The following PLCL1 variants were observed in gnomAD, a reference collection of about 807,000 sequenced individuals.
PLCL1 encodes the protein phospholipase C like 1 (inactive).
PLCL1 carries 41 observed loss-of-function variants against 84.4 expected under a neutral mutation model. That is an observed-to-expected ratio of 0.49 (90% CI 0.38 to 0.63). The LOEUF is 0.63. Among genes scored for constraint, PLCL1 ranks in the 30% least tolerant of loss-of-function variants. PLCL1 has a pLI of 0.00. For synonymous variants in PLCL1, 490 were observed against 488.3 expected (o/e 1.00, Z -0.05); for missense variants, 1,206 against 1,367.8 (o/e 0.88, Z 1.87).
At chr2:197,823,196 T>A (rs1690852090) in intron 1 of PLCL1, among the ~76,000 whole-genome samples, 1 of 152,152 alleles carries the variant, frequency 6.6e-6, no homozygotes, top group African/African-American at 2.4e-5. Flanking sequence ...AGCTTAAAGA[T>A]AATTTTCTTA....
intron 1 of PLCL1, among the ~76,000 whole-genome samples, chr2:197,851,369 G>A (rs979223409): frequency 1.3e-5 from 2 of 152,194 alleles, no homozygotes; most frequent in Non-Finnish European, 2.9e-5. Flanking sequence ...TAATTACGTA[G>A]CTTATCAAGT....
At chr2:198,028,031 G>T (rs1691314883) in intron 1 of PLCL1, among the ~76,000 whole-genome samples, 1 of 151,944 alleles carries the variant, frequency 6.6e-6, no homozygotes, top group African/African-American at 2.4e-5. Context: ...TGTAGAGATG[G>T]GGTCTTGCCA....
At chr2:198,017,731 A>G (rs1044674597) in intron 1 of PLCL1, among the ~76,000 whole-genome samples, 4 of 152,244 alleles carry the variant, frequency 2.6e-5, no homozygotes, top group African/African-American at 4.8e-5. Context: ...ATAGTTATCC[A>G]AAATGTTAAA....
chr2:197,999,954 G>A (rs1308825671), intron 1 of PLCL1, among the ~76,000 whole-genome samples: 1 of 152,140 alleles, frequency 6.6e-6, no homozygotes, highest in Non-Finnish European at 1.5e-5. Flanking sequence ...ACCTGTATCA[G>A]TTATCAATTA....
chr2:197,958,021 C>G (rs1396821030), intron 1 of PLCL1, among the ~76,000 whole-genome samples: 1 of 151,978 alleles, frequency 6.6e-6, no homozygotes, highest in East Asian at 1.9e-4. Flanking sequence ...ATCAAAAAGA[C>G]CATCATATTT....
At chr2:198,014,479 A>G (rs916593045) in intron 1 of PLCL1, among the ~76,000 whole-genome samples, 1 of 151,884 alleles carries the variant, frequency 6.6e-6, no homozygotes, top group African/African-American at 2.4e-5. Context: ...TAAATGTACT[A>G]CTCTGTGTAT....
At chr2:197,881,511 G>C (rs1687827610) in intron 1 of PLCL1, among the ~76,000 whole-genome samples, 1 of 151,966 alleles carries the variant, frequency 6.6e-6, no homozygotes, top group Non-Finnish European at 1.5e-5. Context: ...CTGGAAGAAG[G>C]AACAGTGCTC....
chr2:197,890,025 G>A (rs1687986028), intron 1 of PLCL1, among the ~76,000 whole-genome samples: 1 of 152,176 alleles, frequency 6.6e-6, no homozygotes, highest in African/African-American at 2.4e-5. Flanking sequence ...TGCATACGCA[G>A]CTTTGGTATC....
intron 5 of PLCL1, among the ~76,000 whole-genome samples, chr2:198,143,398 T>G (rs1368218564): frequency 6.6e-6 from 1 of 152,278 alleles, no homozygotes; most frequent in South Asian, 2.1e-4. Context: ...TTCTCACAGG[T>G]CACAGGGACT....
At chr2:197,952,979 G>A (rs1055351272) in intron 1 of PLCL1, among the ~76,000 whole-genome samples, 4 of 152,002 alleles carry the variant, frequency 2.6e-5, no homozygotes, top group South Asian at 2.1e-4. Flanking sequence ...GCATGAAAAC[G>A]GACTAATACC....
intron 1 of PLCL1, among the ~76,000 whole-genome samples, chr2:198,038,580 A>G (rs902234251): frequency 6.6e-6 from 1 of 152,138 alleles, no homozygotes; most frequent in Non-Finnish European, 1.5e-5. Context: ...ATGGCAGCCT[A>G]TAATTCAAGG....
chr2:198,017,454 A>T lies in PLCL1; in HGVS notation c.241-66304A>T, dbSNP rs559978284. 5.3e-5 allele frequency among the ~76,000 whole-genome samples: 8 copies of T among 152,368 alleles called. No individual in the cohort carries two copies. In the East Asian group the frequency reaches 1.2e-3, roughly 22 times the overall value. ...ATGCAGCTGCCTACCATAAAAGAGG[A>T]ATCTAGGAAAGATTTTCCATATAGC... is the stretch of plus-strand genomic sequence containing the variant. On this transcript the variant is annotated intron_variant, in intron 1 of 5. Transcript: ENST00000428675.
chr2:197,928,814 T>A (rs531363407), intron 1 of PLCL1, among the ~76,000 whole-genome samples: 8 of 152,250 alleles, frequency 5.3e-5, no homozygotes, highest in African/African-American at 1.9e-4. Flanking sequence ...CAATAGTAAA[T>A]GAAGCAACAG....
rs1694557766 is a variant in PLCL1 at position 198,147,629 on chromosome 2, A to C, written c.*667A>C. On this transcript the variant is annotated 3_prime_UTR_variant, in exon 6 of 6. Coordinates refer to ENST00000428675, the MANE Select transcript of PLCL1 (RefSeq NM_006226.4). Reference sequence around the variant, plus strand: ...ACTTTAAAAAATATTTATTAAATAAAATCAATTTTTAGGAAGTTTTCTGTA... The same window carrying C: ...ACTTTAAAAAATATTTATTAAATAACATCAATTTTTAGGAAGTTTTCTGTA... The C allele has an allele frequency of 2.0e-5, 3 of 152,216 alleles. No homozygotes were observed. The highest frequency in any genetic ancestry group is 7.2e-5 in the African/African-American group (3 of 41,464). The allele number at this position is 152,216 out of a possible 1,614,324, so 9.4% of individuals were successfully genotyped here.
rs184392234 is a variant in PLCL1 at position 198,144,038 on chromosome 2, A to G, written c.3106-2742A>G. On this transcript the variant is annotated intron_variant, in intron 5 of 5. Transcript: ENST00000428675. ...TTGTTTTCTACAGAGACTGACTTCTATTTACCAGAAATGGCACAGTCTGGC... is the reference window on the plus strand; with the variant it reads ...TTGTTTTCTACAGAGACTGACTTCTGTTTACCAGAAATGGCACAGTCTGGC... Among the ~76,000 whole-genome samples the G allele has an allele frequency of 2.1e-4, 32 of 152,172 alleles. No individual in the cohort carries two copies. The East Asian group carries it at 2.7e-3, about 13-fold the overall frequency.
chr2:198,063,155 TA>T (rs1306460253), intron 1 of PLCL1, among the ~76,000 whole-genome samples: 3,311 of 152,288 alleles, frequency 0.022, 116 homozygotes, highest in African/African-American at 0.072. Context: ...TACTTAATAC[TA>T]TACTTTACTG....
chr2:198,088,104 G>A (rs1350525068), intron 2 of PLCL1, among the ~76,000 whole-genome samples: 4 of 152,050 alleles, frequency 2.6e-5, no homozygotes, highest in African/African-American at 9.7e-5. Context: ...ATATAATCTT[G>A]AAATATGTAC....
chr2:197,940,233 G>A (rs1420950103), intron 1 of PLCL1, among the ~76,000 whole-genome samples: 1 of 152,068 alleles, frequency 6.6e-6, no homozygotes, highest in African/African-American at 2.4e-5. Flanking sequence ...TCAAATGTGG[G>A]TTTTGTGATA....
intron 1 of PLCL1, among the ~76,000 whole-genome samples, chr2:198,010,459 T>A (rs1244294445): frequency 6.6e-6 from 1 of 151,990 alleles, no homozygotes; most frequent in African/African-American, 2.4e-5. Context: ...ATTTGGTTAT[T>A]ACATTGGTTA....
Sources: allele counts gnomAD v4.1 joint callset (sites outside exome capture counted in the v4.1 genomes callset), GRCh38; gene constraint gnomAD v4.1.1; transcripts MANE v1.5; gene names NCBI Gene and HGNC (gene_info 2026-07-23, HGNC 2026-07-21).